The following PSMA4 variants were observed in gnomAD, a reference collection of about 807,000 sequenced individuals.
The protein encoded by PSMA4 is proteasome subunit alpha type-4.
In PSMA4, 8 loss-of-function variants were observed where a neutral mutation model predicts 37.2. That is an observed-to-expected ratio of 0.22 (90% CI 0.13 to 0.39). PSMA4 has a LOEUF of 0.39. Among genes scored for constraint, PSMA4 ranks in the 10% least tolerant of loss-of-function variants. The probability of loss-of-function intolerance (pLI) is 1.00; values close to 1 mark genes in which losing one functional copy is unlikely to be tolerated. For synonymous variants in PSMA4, 93 were observed against 98.8 expected (o/e 0.94, Z 0.35); for missense variants, 169 against 305.1 (o/e 0.55, Z 3.32).
Position 78,547,487 on chromosome 15 carries a change from A to C in PSMA4, c.631+789A>C, listed in dbSNP as rs142471529. 1.7e-3 allele frequency among the ~76,000 whole-genome samples: 252 copies of C among 152,342 alleles called. 1 individual carries two copies. The highest frequency in any genetic ancestry group is 5.8e-3 in the African/African-American group (240 of 41,578). On this transcript the variant is annotated intron_variant, in intron 8 of 8. Transcript: ENST00000044462. ...CTTAATCTACTAATCTCTTATTTTA[A>C]GCTCATGTTAGCAATTCCAAATACC...
intron 4 of PSMA4, among the ~76,000 whole-genome samples, chr15:78,543,483 C>T (rs1030099364): frequency 2.6e-5 from 4 of 152,106 alleles, no homozygotes; most frequent in Non-Finnish European, 5.9e-5. Context: ...CTTGTAAACC[C>T]TCCTGCCATT....
chr15:78,549,947 C>T lies in PSMA4; in HGVS notation c.*1003C>T, dbSNP rs1979906. On this transcript the variant is annotated 3_prime_UTR_variant, in exon 9 of 9. Transcript: ENST00000044462. ...TTACCCTTCTCTCAGCTGTTGTCAACCAAATATGTGCTCCCAGTCTAATTT... is the reference window on the plus strand; with the variant it reads ...TTACCCTTCTCTCAGCTGTTGTCAATCAAATATGTGCTCCCAGTCTAATTT... 0.66 allele frequency: 101,520 copies of T among 152,698 alleles called. 34,453 individuals are homozygous for T. Among genetic ancestry groups the T allele is most frequent in the East Asian group, 0.84 (4,361 of 5,212 alleles). 9.5% of individuals were successfully genotyped at this position (152,698 alleles called of 1,614,324 possible).
At chr15:78,543,358 C>T (rs1410649592) in intron 4 of PSMA4, among the ~76,000 whole-genome samples, 12 of 152,006 alleles carry the variant, frequency 7.9e-5, no homozygotes, top group Non-Finnish European at 1.5e-4. Flanking sequence ...CTTGGCTAGG[C>T]GTAGTCACAG....
At chr15:78,544,140 C>G (rs1423441469) in intron 4 of PSMA4, 50 bp from the exon 5 acceptor site, 2 of 1,374,546 alleles carry the variant, frequency 1.5e-6, no homozygotes, top group Non-Finnish European at 2.1e-6. Context: ...TATAAACACT[C>G]CTTGCAAGCA....
chr15:78,548,627 ATTG>A (rs1413663545), intron 8 of PSMA4, among the ~76,000 whole-genome samples, 160 bp from the exon 9 acceptor site: 1 of 152,228 alleles, frequency 6.6e-6, no homozygotes, highest in Non-Finnish European at 1.5e-5. Context: ...TCAAAAGTAT[ATTG>A]TTCTCATAAA....
intron 6 of PSMA4, among the ~76,000 whole-genome samples, chr15:78,545,218 G>A (rs148728122): frequency 4.6e-5 from 7 of 152,256 alleles, no homozygotes; most frequent in African/African-American, 1.7e-4. Flanking sequence ...CTAGCTATTT[G>A]AAACTAATAT....
intron 6 of PSMA4, 152 bp downstream of exon 6, chr15:78,545,109 G>C (rs2052528905): frequency 3.5e-6 from 2 of 567,918 alleles, no homozygotes; most frequent in African/African-American, 3.8e-5. Context: ...ACATATTCAT[G>C]AGGTACATAA....
chr15:78,542,666 G>A, intron 4 of PSMA4, 21 bp downstream of exon 4: 1 of 1,578,222 alleles, frequency 6.3e-7, no homozygotes, highest in Non-Finnish European at 8.6e-7. Context: ...TTTTAGGAAA[G>A]AGTTTAAAAA....
Position 78,544,940 on chromosome 15 carries a change from C to G in PSMA4, c.359C>G (p.Ala120Gly). 6.3e-7 allele frequency: 1 copy of G among 1,599,590 alleles called. No individual in the cohort carries two copies. ...LVTALCDIKQAYTQFGGKRPF... is the reference protein window; with the variant it reads ...LVTALCDIKQGYTQFGGKRPF... ...ACAGCGCTGTGTGATATCAAACAAG[C>G]TTATACACAATTTGGAGGTATTTAA... Residue 120 changes from alanine (A) to glycine (G), a missense_variant, in exon 6 of 9, where the codon GCT becomes GGT. Physicochemically the swap from Ala to Gly is moderately conservative, Grantham distance 60 (BLOSUM62 0). Coordinates refer to ENST00000044462, the MANE Select transcript of PSMA4 (RefSeq NM_002789.6).
Position 78,541,908 on chromosome 15 carries a change from C to G in PSMA4, c.-20C>G, listed in dbSNP as rs2052460019. 1.9e-6 allele frequency: 3 copies of G among 1,585,800 alleles called. No homozygotes were observed. Among genetic ancestry groups the G allele is most frequent in the African/African-American group, 1.4e-5 (1 of 73,976 alleles). The stretch of plus-strand genomic sequence containing the variant: ...TGATCTGATTTTCTTTTTACAGGAA[C>G]TATATAAAGTTCAGAAAACATGGTG... On this transcript the variant is annotated 5_prime_UTR_variant, in exon 2 of 9. Transcript: ENST00000044462.
At chr15:78,545,891 C>A in intron 7 of PSMA4, 127 bp downstream of exon 7, 1 of 1,022,956 alleles carries the variant, frequency 9.8e-7, no homozygotes, top group Non-Finnish European at 1.4e-6. Context: ...ATGGAAATAT[C>A]TGTGATTTCT....
rs1460730128 is a variant in PSMA4 at position 78,547,232 on chromosome 15, G to GTA, written c.631+536_631+537dup. Reference sequence around the variant, plus strand: ...AATTGTGGAGTCACAATCTCACACTGTATTCCAAACTTAAAGGCTTGATAC... The same window carrying GTA: ...AATTGTGGAGTCACAATCTCACACTGTATATTCCAAACTTAAAGGCTTGATAC... On this transcript the variant is annotated intron_variant, in intron 8 of 8. Transcript: ENST00000044462. 7.9e-5 allele frequency among the ~76,000 whole-genome samples: 12 copies of GTA among 152,294 alleles called. No individual in the cohort carries two copies. In the East Asian group the frequency reaches 2.3e-3, roughly 29 times the overall value.
In PSMA4 at chr15:78,548,996, C is replaced by A; in HGVS notation, c.*52C>A. 6.4e-7 allele frequency: 1 copy of A among 1,552,168 alleles called. No individual in the cohort carries two copies. On this transcript the variant is annotated 3_prime_UTR_variant, in exon 9 of 9. Transcript: ENST00000044462. ...GGCACCATTTCAGTGTAAAAGCAGT[C>A]CTACTCTTCCACACTAGGAAGGCTT...
chr15:78,545,233 T>C (rs2052530996), intron 6 of PSMA4, among the ~76,000 whole-genome samples: 1 of 152,244 alleles, frequency 6.6e-6, no homozygotes, highest in African/African-American at 2.4e-5. Flanking sequence ...TAATATGTTA[T>C]GGTTAACTAT....
rs1486936133 is a variant in PSMA4 at position 78,541,898 on chromosome 15, T to G, written c.-23-7T>G. ...ATTTTAATGATGATCTGATTTTCTT[T>G]TTACAGGAACTATATAAAGTTCAGA... is the stretch of plus-strand genomic sequence containing the variant. On this transcript the variant is annotated splice_region_variant and splice_polypyrimidine_tract_variant and intron_variant, in intron 1 of 8. Coordinates refer to ENST00000044462, the MANE Select transcript of PSMA4 (RefSeq NM_002789.6). The G allele has an allele frequency of 1.3e-6, 2 of 1,575,124 alleles. No individual in the cohort carries two copies. The highest frequency in any genetic ancestry group is 4.5e-5 in the East Asian group (2 of 44,684).
chr15:78,542,095 G>A, intron 2 of PSMA4, 82 bp from the exon 3 acceptor site: 1 of 1,510,154 alleles, frequency 6.6e-7, no homozygotes. Context: ...ACCAGGATAG[G>A]TTTTGTAAGA....
At position 78,548,952 on chromosome 15, in the gene PSMA4, GA is replaced by G; in HGVS notation, c.*9del. On this transcript the variant is annotated 3_prime_UTR_variant, in exon 9 of 9. Coordinates refer to ENST00000044462, the MANE Select transcript of PSMA4 (RefSeq NM_002789.6). ...AAAGAAAAGGATAAATAGAATCAGA[GA>G]TTTTATTACTCATTTGGGGCACCAT... 6.3e-7 allele frequency: 1 copy of G among 1,599,426 alleles called. No homozygotes were observed. Among genetic ancestry groups the G allele is most frequent in the South Asian group, 1.1e-5 (1 of 87,656 alleles).
In PSMA4 at chr15:78,551,643, T is replaced by C. The variant is rs1037643783; in HGVS notation, c.*2699T>C. 3 of 152,116 alleles carry C rather than the reference T, an allele frequency of 2.0e-5. No homozygotes were observed. Among genetic ancestry groups the C allele is most frequent in the Non-Finnish European group, 4.4e-5 (3 of 68,042 alleles). 9.4% of individuals were successfully genotyped at this position (152,116 alleles called of 1,614,324 possible). A position where few individuals can be genotyped will look rare whatever the true frequency, so the allele number is the denominator to read the frequency against. On this transcript the variant is annotated 3_prime_UTR_variant, in exon 9 of 9. Coordinates refer to ENST00000044462, the MANE Select transcript of PSMA4 (RefSeq NM_002789.6). ...AATACAGACTTCCAGAGCAGTACTT[T>C]GTTTTCATTCAATAGTCGTGTCTCG...
intron 8 of PSMA4, among the ~76,000 whole-genome samples, chr15:78,547,612 GATCA>G (rs1416177288): frequency 6.6e-6 from 1 of 152,018 alleles, no homozygotes; most frequent in Non-Finnish European, 1.5e-5. Context: ...GAGGTGGGTG[GATCA>G]CCTGAGGCCA....
Sources: gnomAD v4.1 joint callset for allele counts (sites outside exome capture counted in the v4.1 genomes callset) on GRCh38, gnomAD v4.1.1 for gene constraint, MANE v1.5 for transcripts, NCBI Gene and HGNC (gene_info 2026-07-23, HGNC 2026-07-21) for gene names.